Variants in WFDC1 observed in about 807,000 individuals in gnomAD.
WFDC1 encodes WAP four-disulfide core domain protein 1.
Under a neutral mutation model 32.9 loss-of-function variants are expected in WFDC1, and 39 were observed. The ratio of observed to expected loss-of-function variants is 1.19; its 90% confidence interval spans 0.92 to 1.55. The LOEUF is 1.55. WFDC1 is among the 40% of genes most tolerant of loss of function. The probability of loss-of-function intolerance (pLI) is 0.00; values close to 1 mark genes in which losing one functional copy is unlikely to be tolerated. For synonymous variants in WFDC1, 184 were observed against 137.4 expected, an observed-to-expected ratio of 1.34 and a Z score of -2.37; for missense variants, 386 against 309.5, an observed-to-expected ratio of 1.25 and a Z score of -1.85.
chr16:84,305,070 G>GT (rs904388911), intron 1 of WFDC1, among the ~76,000 whole-genome samples: 37 of 152,306 alleles, frequency 2.4e-4, no homozygotes, highest in Non-Finnish European at 4.3e-4. Flanking sequence ...AATGCTTTTA[G>GT]TTTTTTTGTG....
chr16:84,312,949 C>T lies in WFDC1; in HGVS notation c.145-12C>T, dbSNP rs764607815. 3.5e-6 allele frequency: 4 copies of T among 1,154,116 alleles called. No homozygotes were observed. Among genetic ancestry groups the T allele is most frequent in the African/African-American group, 3.3e-5 (2 of 61,318 alleles). 71.5% of individuals were successfully genotyped at this position (1,154,116 alleles called of 1,614,324 possible). The stretch of plus-strand genomic sequence containing the variant: ...GCGCCCCAGAGCTGCTGACACCGCC[C>T]TCTCCCCGCAGGCCGAGGAGGCGGG... On this transcript the variant is annotated splice_polypyrimidine_tract_variant and intron_variant, in intron 1 of 6. Coordinates refer to ENST00000219454, the MANE Select transcript of WFDC1 (RefSeq NM_021197.4).
chr16:84,307,569 C>G (rs769473580), intron 1 of WFDC1, among the ~76,000 whole-genome samples: 1 of 152,188 alleles, frequency 6.6e-6, no homozygotes. Flanking sequence ...CCATCTGGGA[C>G]TGCCATTAAG....
rs202228139 is a variant in WFDC1, at chr16:84,295,134, G to A, written c.144+19G>A. The A allele has an allele frequency of 2.4e-5, 38 of 1,612,746 alleles. No homozygotes were observed. The African/African-American group carries it at 4.1e-4, about 18-fold the overall frequency. On this transcript the variant is annotated intron_variant, in intron 1 of 6. Transcript: ENST00000219454. The stretch of plus-strand genomic sequence containing the variant: ...ATCCCGTGTAAGTGCCTGGGATGGG[G>A]AGGCTGGGGCAGCCTGTGTGGGTGG...
chr16:84,318,665 A>T, intron 3 of WFDC1: 1 of 291,856 alleles, frequency 3.4e-6, no homozygotes, highest in East Asian at 6.8e-5. Flanking sequence ...TAGGGGGTTC[A>T]CCGCTCTCTA....
intron 6 of WFDC1, chr16:84,328,306 G>A (rs11149640): frequency 0.27 from 41,246 of 152,172 alleles, 6,002 homozygotes; most frequent in South Asian, 0.35. Context: ...AAGGTGAGGC[G>A]TAGGTGCATG....
chr16:84,306,721 G>T (rs1907281063), intron 1 of WFDC1, among the ~76,000 whole-genome samples: 1 of 147,192 alleles, frequency 6.8e-6, no homozygotes, highest in Non-Finnish European at 1.5e-5. Flanking sequence ...GCACTTAGAA[G>T]GGTGCCCAGC....
chr16:84,311,456 C>A (rs1253554672), intron 1 of WFDC1, among the ~76,000 whole-genome samples: 1 of 147,868 alleles, frequency 6.8e-6, no homozygotes, highest in African/African-American at 2.5e-5. Context: ...TCTCGATCTC[C>A]TGACCTCATG....
intron 1 of WFDC1, among the ~76,000 whole-genome samples, chr16:84,309,042 T>C (rs1397486962): frequency 6.6e-6 from 1 of 152,212 alleles, no homozygotes; most frequent in Non-Finnish European, 1.5e-5. Flanking sequence ...CAGAGAGGAT[T>C]TAAGCCCTAG....
rs374867260 is a variant in WFDC1, at chr16:84,295,090, C to T, written c.119C>T (p.Pro40Leu). 91 of 1,613,994 alleles carry T rather than the reference C, an allele frequency of 5.6e-5. 1 individual carries two copies. Among genetic ancestry groups the T allele is most frequent in the Admixed American group, 3.2e-4 (19 of 60,002 alleles). Residue 40 changes from proline to leucine, a missense_variant, in exon 1 of 7, where the codon CCT becomes CTT. Transcript: ENST00000219454. ...AAGAATATCTGGAAACGGGCATTGC[C>T]TGCGAGGCTGGCCGAGAAATCCCGT... is the stretch of plus-strand genomic sequence containing the variant. ...SAKNIWKRAL[P>L]ARLAEKSRAE...
At chr16:84,306,978 G>A (rs1907300457) in intron 1 of WFDC1, among the ~76,000 whole-genome samples, 1 of 152,140 alleles carries the variant, frequency 6.6e-6, no homozygotes, top group Non-Finnish European at 1.5e-5. Flanking sequence ...GCTCCACAAA[G>A]CAGGGAGAGG....
chr16:84,297,643 A>ATAGAAC, intron 1 of WFDC1, among the ~76,000 whole-genome samples: 2 of 125,510 alleles, frequency 1.6e-5, no homozygotes, highest in South Asian at 2.9e-4. Context: ...AAAAAAAAAA[A>ATAGAAC]AAAACTGTGC....
At chr16:84,302,801 T>C (rs1181861610) in intron 1 of WFDC1, among the ~76,000 whole-genome samples, 1 of 152,204 alleles carries the variant, frequency 6.6e-6, no homozygotes, top group Non-Finnish European at 1.5e-5. Context: ...CAACGTCTTC[T>C]GGTTCAACTC....
intron 1 of WFDC1, among the ~76,000 whole-genome samples, chr16:84,311,966 G>A: frequency 6.6e-6 from 1 of 152,080 alleles, no homozygotes; most frequent in East Asian, 1.9e-4. Flanking sequence ...GGGAGGTCCA[G>A]ACCAGCCTGG....
chr16:84,318,910 TTGTGTGTGTGTG>T (rs58546650), intron 3 of WFDC1: 38 of 165,670 alleles, frequency 2.3e-4, no homozygotes, highest in East Asian at 1.3e-3. Context: ...GGCTGAATAT[TTGTGTGTGTGTG>T]TGTGTGTGTG....
chr16:84,320,664 A>C (rs1908253456), intron 4 of WFDC1, among the ~76,000 whole-genome samples: 1 of 152,208 alleles, frequency 6.6e-6, no homozygotes, highest in African/African-American at 2.4e-5. Flanking sequence ...GTGAGCCAGG[A>C]ATCTGGGACT....
chr16:84,302,674 G>C (rs1907013360), intron 1 of WFDC1, among the ~76,000 whole-genome samples: 1 of 152,108 alleles, frequency 6.6e-6, no homozygotes, highest in African/African-American at 2.4e-5. Context: ...GATTTGTTTA[G>C]GTTTCTCTCT....
chr16:84,303,117 G>C (rs1335963987), intron 1 of WFDC1, among the ~76,000 whole-genome samples: 1 of 151,496 alleles, frequency 6.6e-6, no homozygotes, highest in Non-Finnish European at 1.5e-5. Flanking sequence ...CCGGGCACCA[G>C]GAAATGGCAT....
intron 2 of WFDC1, chr16:84,316,165 A>AG (rs1294407808): frequency 6.6e-6 from 1 of 152,240 alleles, no homozygotes; most frequent in African/African-American, 2.4e-5. Flanking sequence ...TTGCGTATAG[A>AG]GGCTGAAGAA....
chr16:84,312,699 C>T lies in WFDC1; in HGVS notation c.145-262C>T, dbSNP rs887025949. On this transcript the variant is annotated intron_variant, in intron 1 of 6. Coordinates refer to ENST00000219454, the MANE Select transcript of WFDC1 (RefSeq NM_021197.4). ...CCGGGTAGATACTTAAGTAATTGTC[C>T]TTCAGCAAACACACCAAGATTTGCT... is the stretch of plus-strand genomic sequence containing the variant. Among the ~76,000 whole-genome samples, 23 of 152,126 alleles carry T rather than the reference C, an allele frequency of 1.5e-4. 1 individual carries two copies. The highest frequency in any genetic ancestry group is 5.6e-4 in the African/African-American group (23 of 41,410).
Sources: allele counts gnomAD v4.1 joint callset (sites outside exome capture counted in the v4.1 genomes callset), GRCh38; gene constraint gnomAD v4.1.1; transcripts MANE v1.5; gene names NCBI Gene and HGNC (gene_info 2026-07-23, HGNC 2026-07-21).